Variants in SLC25A18 observed in about 807,000 individuals in gnomAD.
SLC25A18 encodes solute carrier family 25 member 18.
Under a neutral mutation model 31.1 loss-of-function variants are expected in SLC25A18, and 24 were observed. The observed-to-expected ratio is 0.77, with a 90% CI of 0.56 to 1.08. The LOEUF (loss-of-function observed/expected upper bound fraction) is 1.08, where lower values mean the gene tolerates loss of function less well. Ranked by LOEUF, SLC25A18 falls within the 50% of genes least tolerant of loss-of-function variation. The pLI is 0.00. For synonymous variants in SLC25A18, 173 were observed against 161.9 expected (o/e 1.07, Z -0.52); for missense variants, 371 against 418.5 (o/e 0.89, Z 0.99).
rs1187376801 is a variant in SLC25A18 at position 17,581,212 on chromosome 22, G to C, written c.143+53G>C. On this transcript the variant is annotated intron_variant, in intron 4 of 10. Transcript: ENST00000327451. ...GCAGAGGCGCCCGGGGGAGGGATGG[G>C]GCCCCCTTCCCTCCAGTCTCCAGGC... 3 of 1,569,920 alleles carry C rather than the reference G, an allele frequency of 1.9e-6. No homozygotes were observed. The Admixed American group carries it at 5.4e-5, about 28-fold the overall frequency.
intron 4 of SLC25A18, 41 bp downstream of exon 4, chr22:17,581,200 G>A: frequency 6.4e-7 from 1 of 1,568,968 alleles, no homozygotes; most frequent in Admixed American, 1.8e-5. Context: ...GAGGCGCCCG[G>A]GGGAGGGATG....
intron 1 of SLC25A18, among the ~76,000 whole-genome samples, chr22:17,569,288 G>A (rs1178659603): frequency 6.6e-6 from 1 of 152,240 alleles, no homozygotes. Context: ...GATTACAGGC[G>A]TGAGCCACCG....
intron 2 of SLC25A18, among the ~76,000 whole-genome samples, chr22:17,572,835 G>T (rs1261337869): frequency 6.6e-6 from 1 of 151,482 alleles, no homozygotes; most frequent in Non-Finnish European, 1.5e-5. Context: ...TAGAGACGGG[G>T]TTTCACCGTG....
chr22:17,584,885 A>T (rs1317686814), intron 7 of SLC25A18, among the ~76,000 whole-genome samples: 1 of 151,850 alleles, frequency 6.6e-6, no homozygotes, highest in East Asian at 1.9e-4. Context: ...GTAGAAAGGC[A>T]TAAAAAGGGA....
intron 2 of SLC25A18, among the ~76,000 whole-genome samples, chr22:17,578,535 A>C (rs1379922340): frequency 6.6e-6 from 1 of 152,176 alleles, no homozygotes; most frequent in African/African-American, 2.4e-5. Context: ...AAGCAGCTTC[A>C]GGGCACCGGA....
chr22:17,587,651 A>G (rs1308588467), intron 8 of SLC25A18, among the ~76,000 whole-genome samples: 2 of 152,200 alleles, frequency 1.3e-5, no homozygotes, highest in Non-Finnish European at 2.9e-5. Context: ...GCCCCTGTAC[A>G]GAACGCATTT....
chr22:17,581,046 C>T lies in SLC25A18; in HGVS notation c.30C>T (p.Ala10=), dbSNP rs2057358686. Residue 10 remains alanine (A), a synonymous_variant, in exon 4 of 11, where the codon GCC becomes GCT. Coordinates refer to ENST00000327451, the MANE Select transcript of SLC25A18 (RefSeq NM_031481.3). ...CCTCCCCCTGTCCTAGCATCACAGC[C>T]AAACTCATCAATGGAGGTGTAGCAG... MTHQDLSIT[A]KLINGGVAGL... 6.4e-7 allele frequency: 1 copy of T among 1,552,506 alleles called. No homozygotes were observed. Among genetic ancestry groups the T allele is most frequent in the Non-Finnish European group, 8.7e-7 (1 of 1,147,122 alleles).
chr22:17,589,762 C>T (rs1191187952), intron 10 of SLC25A18, 97 bp downstream of exon 10: 1 of 1,166,604 alleles, frequency 8.6e-7, no homozygotes, highest in Non-Finnish European at 1.3e-6. Context: ...AATTGCTGGG[C>T]TCTGGGTTTC....
At chr22:17,579,430 T>C (rs1433921876) in intron 2 of SLC25A18, among the ~76,000 whole-genome samples, 2 of 152,068 alleles carry the variant, frequency 1.3e-5, no homozygotes, top group African/African-American at 4.8e-5. Flanking sequence ...AAGAGAGGGA[T>C]TCCTAGTTCA....
chr22:17,584,179 G>A (rs1036550657), intron 7 of SLC25A18: 3 of 530,314 alleles, frequency 5.7e-6, no homozygotes, highest in South Asian at 8.2e-5. Context: ...GGATTATGAG[G>A]TCAGAAGATT....
chr22:17,580,986 AC>A, intron 3 of SLC25A18, 50 bp from the exon 4 acceptor site: 1 of 1,505,552 alleles, frequency 6.6e-7, no homozygotes, highest in Non-Finnish European at 8.9e-7. Flanking sequence ...CCGCTCCCTA[AC>A]CTGCCCCTCC....
At position 17,587,217 on chromosome 22, in the gene SLC25A18, C is replaced by A; in HGVS notation, c.491C>A (p.Pro164His). Residue 164 changes from proline (P) to histidine (H), a missense_variant, in exon 8 of 11, where the codon CCC (proline) becomes CAC (histidine). Physicochemically the swap from Pro to His is moderately conservative, Grantham distance 77 (BLOSUM62 -2). Coordinates refer to ENST00000327451, the MANE Select transcript of SLC25A18 (RefSeq NM_031481.3). ...GGTTCGGCTTCCACCCACAGGCGCC[C>A]CTCTGCCACCCTCATTGCCTGGGAG... ...TTGSASTHRRPSATLIAWELL... is the reference protein window; with the variant it reads ...TTGSASTHRRHSATLIAWELL... 1.2e-6 allele frequency: 2 copies of A among 1,614,144 alleles called. No individual in the cohort carries two copies. Among genetic ancestry groups the A allele is most frequent in the Non-Finnish European group, 1.7e-6 (2 of 1,180,044 alleles).
chr22:17,583,630 C>G, intron 7 of SLC25A18, 96 bp downstream of exon 7: 1 of 1,478,126 alleles, frequency 6.8e-7, no homozygotes, highest in Non-Finnish European at 9.0e-7. Flanking sequence ...GGCTGTGTGA[C>G]CAGTCAACTT....
rs1472868952 is a variant in SLC25A18 at position 17,577,584 on chromosome 22, T to TC, written c.-200-2161_-200-2160insC. Among the ~76,000 whole-genome samples the TC allele has an allele frequency of 2.7e-5, 4 of 147,240 alleles. No homozygotes were observed. The East Asian group carries it at 8.4e-4, about 31-fold the overall frequency. ...GAAACAGTTGTGTCCTGTCTATTTT[T>TC]TTTTTTTTTTTTTTGAGATGGAGGC... is the stretch of plus-strand genomic sequence containing the variant. On this transcript the variant is annotated intron_variant, in intron 2 of 10. Transcript: ENST00000327451.
chr22:17,577,215 G>C (rs1039629414), intron 2 of SLC25A18, among the ~76,000 whole-genome samples: 40 of 152,008 alleles, frequency 2.6e-4, no homozygotes, highest in African/African-American at 8.5e-4. Flanking sequence ...GTAGAGACGG[G>C]GTTTCACCAT....
chr22:17,581,523 G>A, intron 5 of SLC25A18, 110 bp downstream of exon 5: 2 of 1,240,648 alleles, frequency 1.6e-6, no homozygotes, highest in Admixed American at 1.9e-5. Context: ...GCTGCCAGGG[G>A]GTCCTTCCTG....
intron 2 of SLC25A18, among the ~76,000 whole-genome samples, chr22:17,576,427 G>T (rs1206946894): frequency 6.6e-6 from 1 of 152,124 alleles, no homozygotes. Flanking sequence ...TTCTGTGGAG[G>T]GCAAGGCCTT....
chr22:17,564,581 C>G (rs2056883735), intron 1 of SLC25A18, among the ~76,000 whole-genome samples: 1 of 151,826 alleles, frequency 6.6e-6, no homozygotes, highest in East Asian at 1.9e-4. Flanking sequence ...CTTAAGTTGG[C>G]TGGGGCGCGG....
intron 1 of SLC25A18, among the ~76,000 whole-genome samples, chr22:17,568,290 G>A (rs1480679170): frequency 6.6e-6 from 1 of 150,728 alleles, no homozygotes; most frequent in Admixed American, 6.6e-5. Flanking sequence ...TGGCGTGAAC[G>A]TGGGAGGCTG....
Sources: gnomAD v4.1 joint callset for allele counts (sites outside exome capture counted in the v4.1 genomes callset) on GRCh38, gnomAD v4.1.1 for gene constraint, MANE v1.5 for transcripts, NCBI Gene and HGNC (gene_info 2026-07-23, HGNC 2026-07-21) for gene names.